ELAVL4: variants seen among roughly 807,000 people sequenced by gnomAD.
The protein encoded by ELAVL4 is ELAV-like protein 4.
A neutral mutation model predicts 35.6 loss-of-function variants in ELAVL4; 1 was observed. The ratio of observed to expected loss-of-function variants is 0.03; its 90% CI spans 0.01 to 0.13. The LOEUF is 0.13. ELAVL4 is among the 10% of genes least tolerant of loss of function. ELAVL4 has a pLI of 1.00. For missense variants in ELAVL4, 267 were observed against 464.9 expected, an observed-to-expected ratio of 0.57 and a Z score of 3.91; for synonymous variants, 156 against 171.0, an observed-to-expected ratio of 0.91 and a Z score of 0.69.
intron 1 of ELAVL4, among the ~76,000 whole-genome samples, chr1:50,073,679 C>T (rs956713511): frequency 1.3e-5 from 2 of 152,062 alleles, no homozygotes; most frequent in South Asian, 2.1e-4. Context: ...CACATACACA[C>T]GAAACATTAA....
intron 1 of ELAVL4, among the ~76,000 whole-genome samples, chr1:50,089,871 G>A (rs994535875): frequency 6.6e-6 from 1 of 152,196 alleles, no homozygotes. Context: ...GAAGGATAAG[G>A]CCAAGTACAG....
intron 2 of ELAVL4, among the ~76,000 whole-genome samples, chr1:50,156,570 CTT>C (rs1173307988): frequency 1.3e-5 from 2 of 152,144 alleles, no homozygotes; most frequent in Non-Finnish European, 2.9e-5. Flanking sequence ...AGAATGGAAA[CTT>C]ACGTTTACTA....
chr1:50,075,867 A>G (rs1664738696), intron 1 of ELAVL4, among the ~76,000 whole-genome samples: 1 of 152,058 alleles, frequency 6.6e-6, no homozygotes, highest in African/African-American at 2.4e-5. Context: ...TCACTCTGTC[A>G]CCCAGGCTGG....
chr1:50,161,844 C>G (rs896964801), intron 2 of ELAVL4, among the ~76,000 whole-genome samples: 1 of 152,238 alleles, frequency 6.6e-6, no homozygotes, highest in Non-Finnish European at 1.5e-5. Flanking sequence ...CCTGCCTCAG[C>G]CTCCCAAAGT....
At chr1:50,068,603 A>G (rs1174062624) in intron 1 of ELAVL4, among the ~76,000 whole-genome samples, 3 of 152,182 alleles carry the variant, frequency 2.0e-5, no homozygotes, top group Non-Finnish European at 4.4e-5. Flanking sequence ...TAGATGATCA[A>G]GGGTTGATTT....
At chr1:50,058,838 A>G (rs1315013118) in intron 1 of ELAVL4, among the ~76,000 whole-genome samples, 1 of 152,000 alleles carries the variant, frequency 6.6e-6, no homozygotes, top group Non-Finnish European at 1.5e-5. Flanking sequence ...TCCTGGGCTC[A>G]AGCAATCCAT....
chr1:50,163,673 A>G (rs1677208703), intron 2 of ELAVL4, among the ~76,000 whole-genome samples: 1 of 152,114 alleles, frequency 6.6e-6, no homozygotes, highest in African/African-American at 2.4e-5. Context: ...TAAAAATACA[A>G]AAATTAGGCG....
chr1:50,203,563 T>C lies in ELAVL4; in HGVS notation c.*2385T>C, dbSNP rs1159192516. ...ATGCCAAAATCTTCTCTATAATGTG[T>C]TCAATCTTGGGGGAAAAAAAAAGGA... On this transcript the variant is annotated 3_prime_UTR_variant, in exon 7 of 7. Coordinates refer to ENST00000371824, the MANE Select transcript of ELAVL4 (RefSeq NM_001144774.3). The C allele has an allele frequency of 1.3e-5, 2 of 152,070 alleles. No individual in the cohort carries two copies. Among genetic ancestry groups the C allele is most frequent in the Non-Finnish European group, 2.9e-5 (2 of 67,998 alleles). The allele number at this position is 152,070 out of a possible 1,614,324, so 9.4% of individuals were successfully genotyped here. A position where few individuals can be genotyped will look rare whatever the true frequency, so the allele number is the denominator to read the frequency against.
At chr1:50,116,395 GGTGTGTGTGTGTGTGTGC>G (rs1251993511) in intron 1 of ELAVL4, among the ~76,000 whole-genome samples, 4 of 149,456 alleles carry the variant, frequency 2.7e-5, no homozygotes, top group African/African-American at 9.9e-5. Context: ...TAAATACTGT[GGTGTGTGTGTGTGTGTGC>G]GTGTGTGTGT....
At chr1:50,147,221 C>T (rs2148699317) in intron 2 of ELAVL4, among the ~76,000 whole-genome samples, 1 of 152,162 alleles carries the variant, frequency 6.6e-6, no homozygotes, top group East Asian at 1.9e-4. Flanking sequence ...TTGTAGAGAG[C>T]TTATGGGAAT....
intron 3 of ELAVL4, among the ~76,000 whole-genome samples, chr1:50,186,196 ATTCT>A (rs918347133): frequency 9.8e-5 from 15 of 152,338 alleles, no homozygotes; most frequent in Admixed American, 9.8e-4. Context: ...TAACTGCATG[ATTCT>A]TTCTGGCTTC....
At chr1:50,084,156 G>A (rs1046260926) in intron 1 of ELAVL4, among the ~76,000 whole-genome samples, 9 of 152,214 alleles carry the variant, frequency 5.9e-5, no homozygotes, top group Admixed American at 5.2e-4. Context: ...TTAACAATTA[G>A]GAACATATAA....
chr1:50,177,036 C>T, intron 2 of ELAVL4, 53 bp from the exon 3 acceptor site: 5 of 1,460,292 alleles, frequency 3.4e-6, no homozygotes, highest in South Asian at 1.2e-5. Flanking sequence ...CTCTCTCTTT[C>T]TCTCTGTCTG....
chr1:50,155,967 A>C (rs1181891952), intron 2 of ELAVL4, among the ~76,000 whole-genome samples: 1 of 152,136 alleles, frequency 6.6e-6, no homozygotes, highest in East Asian at 1.9e-4. Flanking sequence ...AGAGCTCCGC[A>C]CACCCCAGCA....
At chr1:50,176,154 G>A (rs921773657) in intron 2 of ELAVL4, among the ~76,000 whole-genome samples, 2 of 152,134 alleles carry the variant, frequency 1.3e-5, no homozygotes, top group Non-Finnish European at 2.9e-5. Context: ...TTCACTTGGG[G>A]GGAGCCCTGT....
intron 1 of ELAVL4, among the ~76,000 whole-genome samples, chr1:50,126,183 G>A (rs1669884930): frequency 6.6e-6 from 1 of 152,108 alleles, no homozygotes; most frequent in Non-Finnish European, 1.5e-5. Flanking sequence ...AAAAAAGTGA[G>A]CAGATAATCT....
At chr1:50,129,059 T>A (rs1670425954) in intron 1 of ELAVL4, among the ~76,000 whole-genome samples, 2 of 152,246 alleles carry the variant, frequency 1.3e-5, no homozygotes, top group South Asian at 4.1e-4. Flanking sequence ...TACAAAATCC[T>A]CTGAGTCCAG....
chr1:50,177,268 C>CCTGGA, intron 3 of ELAVL4, 76 bp downstream of exon 3: 4 of 1,121,036 alleles, frequency 3.6e-6, no homozygotes, highest in South Asian at 1.3e-5. Context: ...TAAATCCAGG[C>CCTGGA]TATGTGGGGG....
At chr1:50,107,375 T>C (rs183270414), upstream of ELAVL4, among the ~76,000 whole-genome samples, 942 of 152,368 alleles carry the variant, frequency 6.2e-3, 12 homozygotes, top group Non-Finnish European at 7.5e-3. Flanking sequence ...TACTCAAGTC[T>C]AATGGATTAT....
Sources: gnomAD v4.1 joint callset for allele counts (sites outside exome capture counted in the v4.1 genomes callset) on GRCh38, gnomAD v4.1.1 for gene constraint, MANE v1.5 for transcripts, NCBI Gene and HGNC (gene_info 2026-07-23, HGNC 2026-07-21) for gene names.